Variants in BSN observed in about 807,000 individuals in gnomAD.
The protein encoded by BSN is protein bassoon.
A neutral mutation model predicts 264.8 loss-of-function variants in BSN; 57 were observed. The ratio of observed to expected loss-of-function variants is 0.22; its 90% CI spans 0.17 to 0.27. BSN has a LOEUF of 0.27. BSN is among the 10% of genes least tolerant of loss of function. BSN has a pLI of 1.00. For synonymous variants in BSN, 2,059 were observed against 2,137.3 expected, an observed-to-expected ratio of 0.96 and a Z score of 1.01; for missense variants, 4,615 against 5,232.5, an observed-to-expected ratio of 0.88 and a Z score of 3.64.
chr3:49,654,349 C>T lies in BSN; in HGVS notation c.4793C>T (p.Thr1598Ile), dbSNP rs753217113. 1.9e-6 allele frequency: 3 copies of T among 1,613,270 alleles called. No individual in the cohort carries two copies. The highest frequency in any genetic ancestry group is 2.5e-6 in the Non-Finnish European group (3 of 1,179,794). ...QPTTHGYSQT[T>I]PPSVSQLPPE... ...ACCACCCATGGCTACAGCCAGACAA[C>T]ACCTCCGAGTGTGTCTCAGCTGCCC... The change falls in exon 5 of 12, where the codon ACA (threonine) becomes ATA (isoleucine). Residue 1598 changes from threonine to isoleucine, a missense_variant. This residue lies in a region of BSN where 3,415 missense variants were observed against 3,866.4 expected (regional missense o/e 0.88). Coordinates refer to ENST00000296452, the MANE Select transcript of BSN (RefSeq NM_003458.4). The surrounding 1 kb of genome is among the most constrained non-coding windows in gnomAD (Gnocchi z 4.1).
At chr3:49,583,244 C>T (rs1215173423) in intron 1 of BSN, among the ~76,000 whole-genome samples, 2 of 152,074 alleles carry the variant, frequency 1.3e-5, no homozygotes, top group Non-Finnish European at 2.9e-5. Context: ...GCTGGGATTA[C>T]AGGTGTGAGC....
intron 1 of BSN, among the ~76,000 whole-genome samples, chr3:49,561,275 TTGG>T: frequency 6.6e-6 from 1 of 152,214 alleles, no homozygotes; most frequent in Non-Finnish European, 1.5e-5. Flanking sequence ...CTTTTGGATC[TTGG>T]TCCCAAACAC....
chr3:49,666,172 A>T (rs1020019861), intron 11 of BSN, among the ~76,000 whole-genome samples: 2 of 152,174 alleles, frequency 1.3e-5, no homozygotes, highest in Admixed American at 6.5e-5. Flanking sequence ...ACAAGCATGT[A>T]TGTGTTATCC....
intron 5 of BSN, among the ~76,000 whole-genome samples, chr3:49,658,564 T>TA (rs1230501097): frequency 2.6e-5 from 4 of 152,244 alleles, no homozygotes; most frequent in African/African-American, 9.6e-5. Context: ...ACTCCAAACT[T>TA]AATCTATGGG....
chr3:49,583,863 C>T (rs1438059073), intron 1 of BSN, among the ~76,000 whole-genome samples: 2 of 151,288 alleles, frequency 1.3e-5, no homozygotes, highest in African/African-American at 2.4e-5. Context: ...TCTTGCAATC[C>T]GATTTATTTA....
Position 49,663,351 on chromosome 3 carries a change from G to A in BSN, c.11193G>A (p.Gly3731=). The A allele has an allele frequency of 6.2e-7, 1 of 1,613,520 alleles. No homozygotes were observed. Among genetic ancestry groups the A allele is most frequent in the Non-Finnish European group, 8.5e-7 (1 of 1,180,026 alleles). The stretch of plus-strand genomic sequence containing the variant: ...AGGGCTCCCGGCAAGCCCACTCCGG[G>A]CCCGCTGCACTGCAGTCAAAGGCAG... The part of the protein sequence containing the change: ...SKKGSRQAHS[G]PAALQSKAEP... The change falls in exon 7 of 12, where the codon GGG becomes GGA. Residue 3731 remains glycine, a synonymous_variant. Coordinates refer to ENST00000296452, the MANE Select transcript of BSN (RefSeq NM_003458.4).
chr3:49,667,308 CAAAAAA>C (rs34434564), intron 11 of BSN, among the ~76,000 whole-genome samples: 3 of 118,090 alleles, frequency 2.5e-5, no homozygotes. Flanking sequence ...ACTCTTAAGC[CAAAAAA>C]AAAAAAAAAA....
At chr3:49,628,818 T>A (rs878964429) in intron 2 of BSN, among the ~76,000 whole-genome samples, 2 of 152,064 alleles carry the variant, frequency 1.3e-5, no homozygotes, top group Admixed American at 1.3e-4. Context: ...CCCCAGGGAT[T>A]TGCAGCCTCA....
In BSN at chr3:49,656,630, A is replaced by C; in HGVS notation, c.7074A>C (p.Glu2358Asp). 6.2e-7 allele frequency: 1 copy of C among 1,609,160 alleles called. No homozygotes were observed. The highest frequency in any genetic ancestry group is 2.2e-5 in the East Asian group (1 of 44,780). ...ALSRPGFEKE[E>D]ASQEERQRKQ... is the part of the protein sequence containing the mutation. ...GCCGGCCAGGGTTCGAGAAAGAGGA[A>C]GCATCACAGGAGGAGAGGCAGCGGA... Residue 2358 changes from glutamate (E) to aspartate (D), a missense_variant, in exon 5 of 12, where the codon GAA becomes GAC. Physicochemically the swap from Glu to Asp is conservative, Grantham distance 45. This residue lies in a region of BSN where 3,415 missense variants were observed against 3,866.4 expected (regional missense o/e 0.88). Coordinates refer to ENST00000296452, the MANE Select transcript of BSN (RefSeq NM_003458.4).
Position 49,651,433 on chromosome 3 carries a change from T to C in BSN, c.1987-110T>C, listed in dbSNP as rs943767952. The C allele has an allele frequency of 4.6e-5, 58 of 1,271,606 alleles. No individual in the cohort carries two copies. Among genetic ancestry groups the C allele is most frequent in the Non-Finnish European group, 6.3e-5 (58 of 925,738 alleles). 78.8% of individuals were successfully genotyped at this position (1,271,606 alleles called of 1,614,324 possible). A position where few individuals can be genotyped will look rare whatever the true frequency, so the allele number is the denominator to read the frequency against. ...GGGTGGGTGGCGGGCCCTAAACCCTTGGGAAATGGACAGACTCTTCCCCAG... is the reference window on the plus strand; with the variant it reads ...GGGTGGGTGGCGGGCCCTAAACCCTCGGGAAATGGACAGACTCTTCCCCAG... On this transcript the variant is annotated intron_variant, in intron 4 of 11. Coordinates refer to ENST00000296452, the MANE Select transcript of BSN (RefSeq NM_003458.4). The surrounding 1 kb of genome is among the most constrained non-coding windows in gnomAD (Gnocchi z 5.4).
rs534438953 is a variant in BSN, at chr3:49,602,292, G to A, written c.225-22683G>A. The stretch of plus-strand genomic sequence containing the variant: ...AGGACAACTCATTCTGACTGAATTC[G>A]CCCCAGGGCAACTGGCAGTGCCTCA... On this transcript the variant is annotated intron_variant, in intron 1 of 11. Coordinates refer to ENST00000296452, the MANE Select transcript of BSN (RefSeq NM_003458.4). Among the ~76,000 whole-genome samples the A allele has an allele frequency of 1.7e-4, 26 of 152,240 alleles. No homozygotes were observed. The South Asian group carries it at 4.8e-3, about 28-fold the overall frequency.
chr3:49,560,328 T>G (rs1463665124), intron 1 of BSN, among the ~76,000 whole-genome samples: 1 of 152,190 alleles, frequency 6.6e-6, no homozygotes, highest in Non-Finnish European at 1.5e-5. Context: ...GGGCTAACTG[T>G]GAAGGTAGGT....
intron 1 of BSN, among the ~76,000 whole-genome samples, chr3:49,586,635 C>A (rs1323924038): frequency 6.6e-6 from 1 of 152,222 alleles, no homozygotes. Flanking sequence ...GACACCATAC[C>A]CTACCCCCAG....
chr3:49,639,388 C>T (rs932132253), intron 2 of BSN, among the ~76,000 whole-genome samples: 10 of 151,864 alleles, frequency 6.6e-5, no homozygotes, highest in Non-Finnish European at 8.8e-5. Flanking sequence ...TTAGTAGAGA[C>T]GGGGTTTCAC....
rs1333170467 is a variant in BSN, at chr3:49,555,476, A to G, written c.224+650A>G. Among the ~76,000 whole-genome samples the G allele has an allele frequency of 2.0e-5, 3 of 152,214 alleles. No individual in the cohort carries two copies. The South Asian group carries it at 6.2e-4, about 31-fold the overall frequency. ...CATTTTGGGGTGAAGCAAAAATGCTATTGAGTCATCCAGCACCAGATATGT... is the reference window on the plus strand; with the variant it reads ...CATTTTGGGGTGAAGCAAAAATGCTGTTGAGTCATCCAGCACCAGATATGT... On this transcript the variant is annotated intron_variant, in intron 1 of 11. Transcript: ENST00000296452.
At chr3:49,579,552 G>A (rs972248512) in intron 1 of BSN, among the ~76,000 whole-genome samples, 3 of 151,584 alleles carry the variant, frequency 2.0e-5, no homozygotes, top group Admixed American at 6.6e-5. Context: ...ACAGGCGCCC[G>A]TCACCACGCC....
In BSN at chr3:49,658,166, C is replaced by T. The variant is rs2052627264; in HGVS notation, c.8610C>T (p.Leu2870=). 1 of 1,586,186 alleles carries T rather than the reference C, an allele frequency of 6.3e-7. No individual in the cohort carries two copies. Among genetic ancestry groups the T allele is most frequent in the Non-Finnish European group, 8.6e-7 (1 of 1,161,792 alleles). ...AGTCTGCCAAAGAGAGATTCTCCCTCTACCAGCACCAGGGGGGACTGGGTA... is the reference window on the plus strand; with the variant it reads ...AGTCTGCCAAAGAGAGATTCTCCCTTTACCAGCACCAGGGGGGACTGGGTA... The part of the protein sequence containing the change: ...AEESAKERFS[L]YQHQGGLGSQ... Residue 2870 remains leucine, a synonymous_variant, in exon 5 of 12, where the codon CTC becomes CTT. Coordinates refer to ENST00000296452, the MANE Select transcript of BSN (RefSeq NM_003458.4).
intron 1 of BSN, among the ~76,000 whole-genome samples, chr3:49,558,561 C>T (rs1475508933): frequency 1.3e-5 from 2 of 152,194 alleles, no homozygotes; most frequent in Non-Finnish European, 2.9e-5. Flanking sequence ...AGACTTGTTA[C>T]ATTATATCAG....
intron 2 of BSN, among the ~76,000 whole-genome samples, chr3:49,629,980 A>T (rs535654148): frequency 6.6e-6 from 1 of 152,324 alleles, no homozygotes; most frequent in Admixed American, 6.5e-5. Flanking sequence ...GCAGTTTCCC[A>T]GGGTGGGCGG....
Sources: gnomAD v4.1 joint callset for allele counts (sites outside exome capture counted in the v4.1 genomes callset) on GRCh38, gnomAD v4.1.1 for gene constraint, gnomAD v4.1.1 regional missense constraint, Gnocchi (gnomAD v3.1) non-coding constraint, MANE v1.5 for transcripts, NCBI Gene and HGNC (gene_info 2026-07-23, HGNC 2026-07-21) for gene names.